Variants in ZBTB20 observed in about 807,000 individuals in gnomAD.
The protein encoded by ZBTB20 is zinc finger and BTB domain containing 20.
A neutral mutation model predicts 56.9 loss-of-function variants in ZBTB20; 9 were observed. That is an observed-to-expected ratio of 0.16 (90% CI 0.10 to 0.28). ZBTB20 has a LOEUF of 0.28. ZBTB20 is among the 10% of genes least tolerant of loss of function. The pLI, the probability that ZBTB20 is intolerant of heterozygous loss-of-function variation, is 1.00. For synonymous variants in ZBTB20, 417 were observed against 420.7 expected (o/e 0.99, Z 0.11); for missense variants, 655 against 1,003.0 (o/e 0.65, Z 4.69).
In ZBTB20 at chr3:114,964,016, T is replaced by A. The variant is rs534067222; in HGVS notation, c.-456+10350A>T. Among the ~76,000 whole-genome samples the A allele has an allele frequency of 1.9e-4, 29 of 152,306 alleles. No individual in the cohort carries two copies. In the South Asian group the frequency reaches 4.8e-3, roughly 25 times the overall value. ...TCCATTCATAGTCTAATCAATTTAG[T>A]AAACATTTATTGAGTAAATACTTTG... On this transcript the variant is annotated intron_variant, in intron 3 of 11. Coordinates refer to ENST00000675478, the MANE Select transcript of ZBTB20 (RefSeq NM_001348800.3).
rs1048501332 is a variant in ZBTB20, at chr3:114,315,515, C to G, written c.*23490G>C. ...GTGTGCATGTGTGTATGTTTTAGGT[C>G]ACATAAACATACAGTGTGTGCGTGG... On this transcript the variant is annotated 3_prime_UTR_variant, in exon 12 of 12. Transcript: ENST00000675478. 3 of 151,538 alleles carry G rather than the reference C, an allele frequency of 2.0e-5. No individual in the cohort carries two copies. The highest frequency in any genetic ancestry group is 7.3e-5 in the African/African-American group (3 of 41,122). The allele number at this position is 151,538 out of a possible 1,614,324, so 9.4% of individuals were successfully genotyped here.
At position 114,675,573 on chromosome 3, in the gene ZBTB20, A is replaced by G. The variant is rs1274596127; in HGVS notation, c.-295+17955T>C. On this transcript the variant is annotated intron_variant, in intron 6 of 11. Coordinates refer to ENST00000675478, the MANE Select transcript of ZBTB20 (RefSeq NM_001348800.3). Reference sequence around the variant, plus strand: ...TATTTTCTTAAGGAGGCTAACAGAAAAATCAATGGGTGGGCATAAAGAGAA... The same window carrying G: ...TATTTTCTTAAGGAGGCTAACAGAAGAATCAATGGGTGGGCATAAAGAGAA... 1.3e-5 allele frequency among the ~76,000 whole-genome samples: 2 copies of G among 152,208 alleles called. 1 individual carries two copies. The highest frequency in any genetic ancestry group is 4.8e-5 in the African/African-American group (2 of 41,452).
intron 2 of ZBTB20, among the ~76,000 whole-genome samples, chr3:115,009,694 T>C (rs1027973874): frequency 2.0e-5 from 3 of 151,902 alleles, no homozygotes; most frequent in African/African-American, 7.2e-5. Context: ...TCCACACTCT[T>C]GAATGGATTA....
chr3:114,617,748 C>G (rs2058036507), intron 6 of ZBTB20, among the ~76,000 whole-genome samples: 1 of 152,152 alleles, frequency 6.6e-6, no homozygotes, highest in South Asian at 2.1e-4. Context: ...CTCAAACTTT[C>G]CAGATACATT....
chr3:115,032,958 T>TAAAAAA (rs77048136), intron 2 of ZBTB20, among the ~76,000 whole-genome samples: 74 of 56,394 alleles, frequency 1.3e-3, no homozygotes, highest in South Asian at 3.6e-3. Flanking sequence ...CCTAAGGAAC[T>TAAAAAA]AAAAAAAAAA....
At chr3:114,507,790 C>A (rs542541866) in intron 6 of ZBTB20, among the ~76,000 whole-genome samples, 1 of 152,154 alleles carries the variant, frequency 6.6e-6, no homozygotes, top group Non-Finnish European at 1.5e-5. Context: ...AAAAATTATA[C>A]AGAATCACAA....
rs1369407029 is a variant in ZBTB20 at position 114,983,314 on chromosome 3, G to A, written c.-506-8898C>T. ...CTATATAGTTCAGCATGAGGTATTC[G>A]TCTCTACTCTGTCAATTTCTGTTAA... On this transcript the variant is annotated intron_variant, in intron 2 of 11. Coordinates refer to ENST00000675478, the MANE Select transcript of ZBTB20 (RefSeq NM_001348800.3). Among the ~76,000 whole-genome samples the A allele has an allele frequency of 2.6e-5, 4 of 151,886 alleles. No homozygotes were observed. The East Asian group carries it at 5.8e-4, about 22-fold the overall frequency.
chr3:115,015,561 T>C (rs2079916619), intron 2 of ZBTB20, among the ~76,000 whole-genome samples: 1 of 151,750 alleles, frequency 6.6e-6, no homozygotes, highest in East Asian at 2.0e-4. Context: ...TAAGTGAGAA[T>C]ATGTGTTGTT....
chr3:114,984,444 C>T (rs958283772), intron 2 of ZBTB20, among the ~76,000 whole-genome samples: 3 of 151,928 alleles, frequency 2.0e-5, no homozygotes, highest in African/African-American at 7.2e-5. Flanking sequence ...GTCCCTGCTC[C>T]GTCACCATTT....
At chr3:114,488,763 T>C (rs986651264) in intron 7 of ZBTB20, among the ~76,000 whole-genome samples, 1 of 152,220 alleles carries the variant, frequency 6.6e-6, no homozygotes, top group Non-Finnish European at 1.5e-5. Flanking sequence ...TGCATGTGCA[T>C]ATAAAGACAG....
At chr3:114,778,276 A>AATAATT (rs1412931105) in intron 5 of ZBTB20, among the ~76,000 whole-genome samples, 221 of 71,200 alleles carry the variant, frequency 3.1e-3, no homozygotes, top group Non-Finnish European at 4.2e-3. Context: ...TAATAATAAT[A>AATAATT]ATAATACACA....
intron 1 of ZBTB20, among the ~76,000 whole-genome samples, chr3:115,105,094 G>A (rs570873714): frequency 3.9e-5 from 6 of 152,192 alleles, no homozygotes; most frequent in South Asian, 2.1e-4. Flanking sequence ...AATAGCTTGC[G>A]TACCCTCGTC....
In ZBTB20 at chr3:114,316,236, C is replaced by T. The variant is rs1489753333; in HGVS notation, c.*22769G>A. 1.6e-5 allele frequency: 5 copies of T among 315,000 alleles called. No individual in the cohort carries two copies. Among genetic ancestry groups the T allele is most frequent in the East Asian group, 1.2e-4 (1 of 8,232 alleles). 19.5% of individuals were successfully genotyped at this position (315,000 alleles called of 1,614,324 possible). A position where few individuals can be genotyped will look rare whatever the true frequency, so the allele number is the denominator to read the frequency against. ...CATTCGCATCGGATCAAGATGGTTT[C>T]GCCCATTTTTCCTTTTTCACTAACA... is the stretch of plus-strand genomic sequence containing the variant. On this transcript the variant is annotated 3_prime_UTR_variant, in exon 12 of 12. Transcript: ENST00000675478.
chr3:115,110,955 A>G (rs376591151), intron 1 of ZBTB20, among the ~76,000 whole-genome samples: 2 of 151,970 alleles, frequency 1.3e-5, no homozygotes, highest in East Asian at 3.8e-4. Flanking sequence ...GCGCCACTAC[A>G]CTCCAGCTTC....
chr3:114,444,126 T>C (rs2091109470), intron 7 of ZBTB20, among the ~76,000 whole-genome samples: 1 of 152,202 alleles, frequency 6.6e-6, no homozygotes, highest in Non-Finnish European at 1.5e-5. Flanking sequence ...TGTTGAATCA[T>C]CAATGTCTCA....
intron 2 of ZBTB20, among the ~76,000 whole-genome samples, chr3:115,057,619 T>A (rs993765529): frequency 1.3e-5 from 2 of 152,172 alleles, no homozygotes; most frequent in African/African-American, 4.8e-5. Flanking sequence ...ACTCATATAT[T>A]TACCATTTCT....
intron 5 of ZBTB20, among the ~76,000 whole-genome samples, chr3:114,755,632 G>A (rs1444859933): frequency 6.6e-6 from 1 of 151,198 alleles, no homozygotes; most frequent in East Asian, 1.9e-4. Context: ...CACATTTTTA[G>A]CTTGCCAACA....
chr3:114,894,028 GACA>G (rs756971962), intron 4 of ZBTB20, among the ~76,000 whole-genome samples: 106 of 152,094 alleles, frequency 7.0e-4, no homozygotes, highest in Middle Eastern at 3.4e-3. Context: ...AAGTCCTAAT[GACA>G]ACAACAACAA....
intron 6 of ZBTB20, among the ~76,000 whole-genome samples, chr3:114,601,805 A>G (rs1472260262): frequency 6.6e-6 from 1 of 152,044 alleles, no homozygotes; most frequent in Non-Finnish European, 1.5e-5. Context: ...ACACGTTGGG[A>G]AAAGCAGATT....
Sources: gnomAD v4.1 joint callset for allele counts (sites outside exome capture counted in the v4.1 genomes callset) on GRCh38, gnomAD v4.1.1 for gene constraint, MANE v1.5 for transcripts, NCBI Gene and HGNC (gene_info 2026-07-23, HGNC 2026-07-21) for gene names.